The following RASSF8 variants were observed in gnomAD, a reference collection of about 807,000 sequenced individuals.
RASSF8 encodes Ras association domain family member 8.
RASSF8 carries 22 observed loss-of-function variants against 48.5 expected under a neutral mutation model. The ratio of observed to expected loss-of-function variants is 0.45; its 90% confidence interval spans 0.32 to 0.65. The LOEUF (loss-of-function observed/expected upper bound fraction) is 0.65. RASSF8 is among the 30% of genes least tolerant of loss of function. The probability of loss-of-function intolerance (pLI) is 0.03; values close to 1 mark genes in which losing one functional copy is unlikely to be tolerated. For missense variants in RASSF8, 418 were observed against 489.2 expected (o/e 0.85, Z 1.37); for synonymous variants, 127 against 171.5 (o/e 0.74, Z 2.03).
intron 1 of RASSF8, among the ~76,000 whole-genome samples, chr12:25,967,442 A>G (rs2136841646): frequency 6.6e-6 from 1 of 152,076 alleles, no homozygotes; most frequent in East Asian, 1.9e-4. Flanking sequence ...CCCAACCTAG[A>G]TCATTCACTT....
At chr12:25,972,273 G>C (rs953544607) in intron 1 of RASSF8, among the ~76,000 whole-genome samples, 2 of 152,132 alleles carry the variant, frequency 1.3e-5, no homozygotes, top group African/African-American at 2.4e-5. Context: ...ACTGACATAA[G>C]GTTATGAGGA....
intron 3 of RASSF8, among the ~76,000 whole-genome samples, chr12:26,063,775 T>C (rs891412656): frequency 6.6e-6 from 1 of 151,880 alleles, no homozygotes; most frequent in African/African-American, 2.4e-5. Context: ...GATACTATCA[T>C]ATTACCAAAA....
Position 26,068,904 on chromosome 12 carries a change from G to T in RASSF8, c.*86G>T. 1.3e-6 allele frequency: 2 copies of T among 1,502,090 alleles called. No homozygotes were observed. The highest frequency in any genetic ancestry group is 5.0e-5 in the East Asian group (2 of 40,158). The allele number at this position is 1,502,090 out of a possible 1,614,324, so 93.0% of individuals were successfully genotyped here. A position where few individuals can be genotyped will look rare whatever the true frequency, so the allele number is the denominator to read the frequency against. ...TGATTTGTGCCAATGATGAACAGAG[G>T]ATCTATTCCACAAGACGCTGTATGT... On this transcript the variant is annotated 3_prime_UTR_variant, in exon 6 of 6. Coordinates refer to ENST00000689635, the MANE Select transcript of RASSF8 (RefSeq NM_001394098.1).
intron 2 of RASSF8, among the ~76,000 whole-genome samples, chr12:26,006,471 G>A (rs1282973754): frequency 6.6e-6 from 1 of 152,192 alleles, no homozygotes; most frequent in Non-Finnish European, 1.5e-5. Context: ...AAGCAATTCA[G>A]TGAATGATAA....
intron 1 of RASSF8, among the ~76,000 whole-genome samples, chr12:25,963,616 T>TG: frequency 6.6e-6 from 1 of 152,304 alleles, no homozygotes; most frequent in Non-Finnish European, 1.5e-5. Flanking sequence ...ACTGAGTGTG[T>TG]GGGGGCACTT....
chr12:26,032,564 A>G (rs1495654), intron 2 of RASSF8, among the ~76,000 whole-genome samples: 139,454 of 152,202 alleles, frequency 0.92, 63,934 homozygotes, highest in East Asian at 0.99. Context: ...TTAGCATGCA[A>G]CAAAAAATTC....
chr12:26,040,738 C>T (rs1278522890), intron 2 of RASSF8, among the ~76,000 whole-genome samples: 5 of 152,078 alleles, frequency 3.3e-5, no homozygotes, highest in Admixed American at 3.3e-4. Flanking sequence ...ACTGCTGACC[C>T]TTTCTTGAAC....
chr12:26,008,766 T>C (rs1182800859), intron 2 of RASSF8, among the ~76,000 whole-genome samples: 2 of 152,208 alleles, frequency 1.3e-5, no homozygotes, highest in East Asian at 3.8e-4. Context: ...CTGCATAGAA[T>C]CTTAATTTTC....
At chr12:26,075,565 A>C (rs1352025221), downstream of RASSF8, among the ~76,000 whole-genome samples, 1 of 152,158 alleles carries the variant, frequency 6.6e-6, no homozygotes, top group African/African-American at 2.4e-5. Context: ...ACTCTCTTTT[A>C]TCTGCCATGT....
downstream of RASSF8, among the ~76,000 whole-genome samples, chr12:26,075,218 T>C (rs1944061813): frequency 6.6e-6 from 1 of 152,194 alleles, no homozygotes; most frequent in African/African-American, 2.4e-5. Context: ...TGTTTACCAC[T>C]TACCCACAGC....
At chr12:25,979,433 G>T (rs1941686265) in intron 1 of RASSF8, among the ~76,000 whole-genome samples, 1 of 152,052 alleles carries the variant, frequency 6.6e-6, no homozygotes, top group Non-Finnish European at 1.5e-5. Context: ...AATCATTGAG[G>T]ATTTTCTGAA....
At chr12:26,035,384 A>AATTATATGAAATT (rs1565629477) in intron 2 of RASSF8, among the ~76,000 whole-genome samples, 4 of 121,518 alleles carry the variant, frequency 3.3e-5, no homozygotes, top group Admixed American at 1.9e-4. Context: ...ATAATCATAT[A>AATTATATGAAATT]ATATAATTAT....
chr12:26,029,753 A>C (rs895169022), intron 2 of RASSF8, among the ~76,000 whole-genome samples: 1 of 152,228 alleles, frequency 6.6e-6, no homozygotes, highest in Non-Finnish European at 1.5e-5. Context: ...TTATTATAAC[A>C]GAAAAACAGT....
chr12:26,018,037 A>C (rs1942693034), intron 2 of RASSF8, among the ~76,000 whole-genome samples: 3 of 152,248 alleles, frequency 2.0e-5, no homozygotes, highest in African/African-American at 7.2e-5. Flanking sequence ...TGTAAGAGTT[A>C]TATGGATTGT....
intron 4 of RASSF8, 135 bp downstream of exon 4, chr12:26,065,522 A>G: frequency 8.7e-7 from 1 of 1,146,964 alleles, no homozygotes; most frequent in Non-Finnish European, 1.2e-6. Context: ...CTTTTGTCGA[A>G]CTCTTGTGAC....
At chr12:25,989,194 A>G (rs535871267) in intron 1 of RASSF8, among the ~76,000 whole-genome samples, 2 of 152,232 alleles carry the variant, frequency 1.3e-5, no homozygotes, top group East Asian at 1.9e-4. Context: ...GCCCAACCAT[A>G]TGTTTTCTCA....
At chr12:26,074,787 T>G (rs1390857201), downstream of RASSF8, among the ~76,000 whole-genome samples, 1 of 151,956 alleles carries the variant, frequency 6.6e-6, no homozygotes, top group African/African-American at 2.4e-5. Flanking sequence ...TGGAAGGTGA[T>G]ATAAACAAGA....
At chr12:26,017,004 T>C (rs1212789850) in intron 2 of RASSF8, among the ~76,000 whole-genome samples, 1 of 152,220 alleles carries the variant, frequency 6.6e-6, no homozygotes, top group African/African-American at 2.4e-5. Flanking sequence ...TTTAGTACTT[T>C]CCACTGGAAT....
At chr12:26,013,246 A>C (rs1942571971) in intron 2 of RASSF8, among the ~76,000 whole-genome samples, 1 of 152,230 alleles carries the variant, frequency 6.6e-6, no homozygotes, top group Admixed American at 6.5e-5. Flanking sequence ...CAAGTCTAGT[A>C]ATCCAGTAAA....
Sources: allele counts gnomAD v4.1 joint callset (sites outside exome capture counted in the v4.1 genomes callset), GRCh38; gene constraint gnomAD v4.1.1; transcripts MANE v1.5; gene names NCBI Gene and HGNC (gene_info 2026-07-23, HGNC 2026-07-21).